CDHR3: variants seen among roughly 807,000 people sequenced by gnomAD.
CDHR3 encodes cadherin-related family member 3.
In CDHR3, 79 loss-of-function variants were observed where a neutral mutation model predicts 86.6. The observed-to-expected ratio is 0.91, with a 90% CI of 0.76 to 1.10. The LOEUF (loss-of-function observed/expected upper bound fraction) is 1.10, where lower values mean the gene tolerates loss of function less well. CDHR3 is among the 50% of genes least tolerant of loss of function. The pLI, the probability that CDHR3 is intolerant of heterozygous loss-of-function variation, is 0.00. For missense variants in CDHR3, 1,081 were observed against 1,077.6 expected (o/e 1.00, Z -0.04); for synonymous variants, 421 against 402.4 (o/e 1.05, Z -0.55).
chr7:105,975,793 T>C (rs983076456), intron 2 of CDHR3, among the ~76,000 whole-genome samples: 1 of 152,178 alleles, frequency 6.6e-6, no homozygotes, highest in Non-Finnish European at 1.5e-5. Context: ...TCAACTGTCC[T>C]GGGAACTTCC....
intron 6 of CDHR3, 88 bp downstream of exon 6, chr7:105,996,442 C>T (rs1005282009): frequency 3.6e-5 from 24 of 670,866 alleles, no homozygotes; most frequent in African/African-American, 3.0e-4. Context: ...TAATACAAGG[C>T]AGAGGGATGC....
At chr7:105,996,460 T>C in intron 6 of CDHR3, 106 bp downstream of exon 6, 1 of 597,524 alleles carries the variant, frequency 1.7e-6, no homozygotes. Context: ...TGCCCTTTGC[T>C]GTGGCCTGCA....
intron 11 of CDHR3, 105 bp downstream of exon 11, chr7:106,016,130 T>G (rs991849503): frequency 2.9e-6 from 2 of 685,444 alleles, no homozygotes; most frequent in Admixed American, 5.0e-5. Context: ...GCATGCTGTT[T>G]TGCACAGTGA....
intron 8 of CDHR3, among the ~76,000 whole-genome samples, chr7:106,010,180 A>G (rs1390232263): frequency 6.6e-6 from 1 of 152,164 alleles, no homozygotes; most frequent in Non-Finnish European, 1.5e-5. Context: ...TCCCCAAACC[A>G]TCTGTGAGCC....
At chr7:106,018,885 C>T (rs1836086982) in intron 12 of CDHR3, among the ~76,000 whole-genome samples, 1 of 152,058 alleles carries the variant, frequency 6.6e-6, no homozygotes, top group African/African-American at 2.4e-5. Flanking sequence ...GATTCTGAGT[C>T]AGAGGGTCTG....
At chr7:105,996,539 G>C (rs751944987) in intron 6 of CDHR3, among the ~76,000 whole-genome samples, 185 bp downstream of exon 6, 10 of 152,164 alleles carry the variant, frequency 6.6e-5, no homozygotes, top group Non-Finnish European at 8.8e-5. Flanking sequence ...TTCCACCTTT[G>C]CTGCCTCTGC....
chr7:106,027,036 T>G (rs1837458801), intron 16 of CDHR3, among the ~76,000 whole-genome samples: 1 of 152,208 alleles, frequency 6.6e-6, no homozygotes, highest in East Asian at 1.9e-4. Context: ...AGGACCTGCT[T>G]ACTGCAGCCC....
Position 106,032,484 on chromosome 7 carries a change from C to T in CDHR3, c.2445C>T (p.Ser815=). ...AAATGCCAAAATGGAAAGAGTCCAG[C>T]CACCAGGGAGCTGCCCCACGCAGAG... ...LTQMPKWKES[S]HQGAAPRRVT... Residue 815 remains serine, a synonymous_variant, in exon 19 of 19, where the codon AGC becomes AGT. Coordinates refer to ENST00000317716, the MANE Select transcript of CDHR3 (RefSeq NM_152750.5). 5 of 1,613,912 alleles carry T rather than the reference C, an allele frequency of 3.1e-6. No homozygotes were observed. Among genetic ancestry groups the T allele is most frequent in the Non-Finnish European group, 3.4e-6 (4 of 1,179,858 alleles).
At chr7:105,997,278 A>G (rs1832395966) in intron 6 of CDHR3, among the ~76,000 whole-genome samples, 1 of 152,224 alleles carries the variant, frequency 6.6e-6, no homozygotes, top group African/African-American at 2.4e-5. Flanking sequence ...CTTGGCAAAC[A>G]CCACAATTGC....
intron 1 of CDHR3, among the ~76,000 whole-genome samples, chr7:105,970,601 G>A (rs908093316): frequency 6.6e-5 from 10 of 152,150 alleles, no homozygotes; most frequent in African/African-American, 2.2e-4. Context: ...GTTTTAGGGA[G>A]AGCTGGCACC....
At chr7:105,979,075 T>A (rs569479121) in intron 2 of CDHR3, among the ~76,000 whole-genome samples, 2 of 152,316 alleles carry the variant, frequency 1.3e-5, no homozygotes, top group Admixed American at 6.5e-5. Context: ...TTGCAGAGTG[T>A]TTGCTCAGTG....
At position 106,012,927 on chromosome 7, in the gene CDHR3, G is replaced by A. The variant is rs1351234148; in HGVS notation, c.1120G>A (p.Asp374Asn). The A allele has an allele frequency of 6.2e-7, 1 of 1,613,716 alleles. No homozygotes were observed. Among genetic ancestry groups the A allele is most frequent in the African/African-American group, 1.3e-5 (1 of 74,920 alleles). ...TGACCTAAACAAGTTCTGCTTTGAT[G>A]ATGACAGTGAGGCACCAAACAACAG... ...LLDLNKFCFD[D>N]DSEAPNNRFN... Residue 374 changes from aspartate (D) to asparagine (N), a missense_variant, in exon 9 of 19, where the codon GAT (aspartate) becomes AAT (asparagine). Coordinates refer to ENST00000317716, the MANE Select transcript of CDHR3 (RefSeq NM_152750.5).
intron 7 of CDHR3, among the ~76,000 whole-genome samples, chr7:106,003,989 C>CAAAAAAAAAAAAAAAAAA (rs55815648): frequency 7.5e-5 from 6 of 79,946 alleles, no homozygotes; most frequent in South Asian, 5.8e-4. Flanking sequence ...CCAACCTAAC[C>CAAAAAAAAAAAAAAAAAA]AAAAAAAAAA....
chr7:105,966,083 C>G (rs1231281308), intron 1 of CDHR3, among the ~76,000 whole-genome samples: 7 of 152,282 alleles, frequency 4.6e-5, no homozygotes, highest in Admixed American at 1.3e-4. Context: ...AGAATATAAA[C>G]TAGACAAAAC....
intron 1 of CDHR3, 66 bp downstream of exon 1, chr7:105,963,430 CA>C (rs1826345897): frequency 6.6e-7 from 1 of 1,518,264 alleles, no homozygotes; most frequent in Admixed American, 1.7e-5. Flanking sequence ...CATTGAATGA[CA>C]ATGTCCCCCA....
At chr7:105,996,149 A>G in intron 5 of CDHR3, 101 bp from the exon 6 acceptor site, 3 of 655,522 alleles carry the variant, frequency 4.6e-6, no homozygotes, top group Non-Finnish European at 5.6e-6. Flanking sequence ...CCAAAGGGGC[A>G]GGGTCTGCTC....
chr7:105,964,466 A>G (rs1345442149), intron 1 of CDHR3, among the ~76,000 whole-genome samples: 1 of 151,926 alleles, frequency 6.6e-6, no homozygotes, highest in Non-Finnish European at 1.5e-5. Context: ...TTTCTTATCT[A>G]ACTGCCAGGC....
chr7:105,963,757 A>G (rs1164494662), intron 1 of CDHR3, among the ~76,000 whole-genome samples: 1 of 152,110 alleles, frequency 6.6e-6, no homozygotes, highest in Admixed American at 6.5e-5. Flanking sequence ...CTTGAGGTTG[A>G]CAAGTGATCC....
In CDHR3 at chr7:106,034,468, A is replaced by G. The variant is rs1328957240; in HGVS notation, c.*1771A>G. On this transcript the variant is annotated 3_prime_UTR_variant, in exon 19 of 19. Transcript: ENST00000317716. ...GCAGCAGCTTGTTTACTGTGTGCCT[A>G]GTGCCAGTGTCACTTCTCAAGCAAA... Among the ~76,000 whole-genome samples, 1 of 152,224 alleles carries G rather than the reference A, an allele frequency of 6.6e-6. No individual in the cohort carries two copies. The highest frequency in any genetic ancestry group is 1.5e-5 in the Non-Finnish European group (1 of 68,042).
Sources: allele counts gnomAD v4.1 joint callset (sites outside exome capture counted in the v4.1 genomes callset), GRCh38; gene constraint gnomAD v4.1.1; transcripts MANE v1.5; gene names NCBI Gene and HGNC (gene_info 2026-07-23, HGNC 2026-07-21).